The following UBAP2 variants were observed in gnomAD, a reference collection of about 807,000 sequenced individuals.
UBAP2 encodes ubiquitin associated protein 2.
A neutral mutation model predicts 139.6 loss-of-function variants in UBAP2; 75 were observed. The observed-to-expected ratio is 0.54, with a 90% CI of 0.45 to 0.65. The LOEUF (loss-of-function observed/expected upper bound fraction) is 0.65, where lower values mean the gene tolerates loss of function less well. Ranked by LOEUF, UBAP2 falls within the 30% of genes least tolerant of loss-of-function variation. UBAP2 has a pLI of 0.00. For synonymous variants in UBAP2, 526 were observed against 526.2 expected, an observed-to-expected ratio of 1.00 and a Z score of 0.01; for missense variants, 1,368 against 1,369.6, an observed-to-expected ratio of 1.00 and a Z score of 0.02.
chr9:33,983,007 A>G (rs1420763529), intron 6 of UBAP2, among the ~76,000 whole-genome samples: 3 of 151,592 alleles, frequency 2.0e-5, no homozygotes, highest in Non-Finnish European at 4.4e-5. Flanking sequence ...GCCTCCAAGT[A>G]GCTGGGACTA....
chr9:33,996,295 T>A lies in UBAP2; in HGVS notation c.216A>T (p.Ile72=). The A allele has an allele frequency of 6.2e-7, 1 of 1,613,714 alleles. No individual in the cohort carries two copies. Among genetic ancestry groups the A allele is most frequent in the East Asian group, 2.2e-5 (1 of 44,852 alleles). ...CTCCATTACAATCATGTAGGGCCAC[T>A]ATGCATTCATCCTGATTTTTCCCTG... is the stretch of plus-strand genomic sequence containing the variant. ...EVTGKNQDEC[I]VALHDCNGDV... Residue 72 remains isoleucine (I), a synonymous_variant, in exon 4 of 29, where the codon ATA becomes ATT. Coordinates refer to ENST00000379238, the MANE Select transcript of UBAP2 (RefSeq NM_001370062.2).
chr9:33,945,935 T>C (rs1825624020), intron 13 of UBAP2, among the ~76,000 whole-genome samples: 1 of 152,240 alleles, frequency 6.6e-6, no homozygotes, highest in Non-Finnish European at 1.5e-5. Context: ...ACCTGTAGGA[T>C]CAACTGGTAG....
At chr9:33,957,389 G>A (rs557224718) in intron 10 of UBAP2, among the ~76,000 whole-genome samples, 11 of 152,210 alleles carry the variant, frequency 7.2e-5, no homozygotes, top group Admixed American at 2.6e-4. Context: ...ATTTCCACCT[G>A]TCCCTGTGGA....
chr9:34,028,510 G>C (rs1825612826), intron 1 of UBAP2, among the ~76,000 whole-genome samples: 1 of 151,932 alleles, frequency 6.6e-6, no homozygotes, highest in African/African-American at 2.4e-5. Context: ...CTCCCAAGTA[G>C]CTGGGATTAC....
In UBAP2 at chr9:34,024,168, G is replaced by A. The variant is rs192701147; in HGVS notation, c.-41-6979C>T. ...GAGGTCGGGAGTTCAAGACCAGCCC[G>A]ACCATCTCTACTAAAAATACAAAAT... On this transcript the variant is annotated intron_variant, in intron 1 of 28. Transcript: ENST00000379238. Among the ~76,000 whole-genome samples the A allele has an allele frequency of 3.9e-4, 59 of 151,166 alleles. 1 individual carries two copies. The highest frequency in any genetic ancestry group is 1.7e-3 in the South Asian group (8 of 4,792).
At position 33,948,410 on chromosome 9, in the gene UBAP2, G is replaced by A. The variant is rs1050757981; in HGVS notation, c.1234C>T (p.Pro412Ser). The A allele has an allele frequency of 2.5e-6, 4 of 1,613,386 alleles. No individual in the cohort carries two copies. The African/African-American group carries it at 5.3e-5, about 22-fold the overall frequency. Reference sequence around the variant, plus strand: ...AGGACTGAGGACTGGGATGTTGGGGGCTTGAGGTCCCAAGAAGTAGTAGTT... The same window carrying A: ...AGGACTGAGGACTGGGATGTTGGGGACTTGAGGTCCCAAGAAGTAGTAGTT... Reference protein sequence around the residue: ...PTTTTSWDLKPPTSQSSVLSH... With the variant: ...PTTTTSWDLKSPTSQSSVLSH... Residue 412 changes from proline to serine, a missense_variant, in exon 13 of 29, where the codon CCC becomes TCC. Pro to Ser is a moderately conservative substitution (Grantham distance 74). Transcript: ENST00000379238.
intron 1 of UBAP2, among the ~76,000 whole-genome samples, chr9:34,026,174 A>G (rs1825384976): frequency 6.6e-6 from 1 of 152,232 alleles, no homozygotes; most frequent in Non-Finnish European, 1.5e-5. Flanking sequence ...AGAAGAGGGA[A>G]GATTTCAACA....
Position 33,922,299 on chromosome 9 carries a change from T to TC in UBAP2, c.*204dup, listed in dbSNP as rs1360758285. ...CTAACATCTGCCGCCATCCCCCAAC[T>TC]CCCCCCCAGACTTCTATCACATTTA... On this transcript the variant is annotated 3_prime_UTR_variant, in exon 29 of 29. Coordinates refer to ENST00000379238, the MANE Select transcript of UBAP2 (RefSeq NM_001370062.2). The TC allele has an allele frequency of 2.4e-5, 14 of 577,584 alleles. No individual in the cohort carries two copies. Among genetic ancestry groups the TC allele is most frequent in the South Asian group, 8.2e-5 (4 of 48,486 alleles). 35.8% of individuals were successfully genotyped at this position (577,584 alleles called of 1,614,324 possible).
intron 16 of UBAP2, among the ~76,000 whole-genome samples, chr9:33,938,083 C>T (rs1413601094): frequency 1.3e-5 from 2 of 150,212 alleles, no homozygotes; most frequent in East Asian, 2.0e-4. Context: ...TTGCAACCTC[C>T]GCTTCCTGGT....
chr9:33,954,661 CCCTT>C (rs1277930565), intron 11 of UBAP2, among the ~76,000 whole-genome samples: 1 of 152,208 alleles, frequency 6.6e-6, no homozygotes, highest in Non-Finnish European at 1.5e-5. Flanking sequence ...GAGTTCCTCT[CCCTT>C]ATAGACTATA....
chr9:33,996,095 G>A, intron 4 of UBAP2, 128 bp downstream of exon 4: 4 of 649,524 alleles, frequency 6.2e-6, no homozygotes, highest in Non-Finnish European at 2.6e-6. Context: ...GTTCTTTCTG[G>A]AACTTAAAAC....
chr9:33,980,355 C>T (rs1820550199), intron 6 of UBAP2, among the ~76,000 whole-genome samples: 1 of 146,768 alleles, frequency 6.8e-6, no homozygotes, highest in Non-Finnish European at 1.5e-5. Context: ...GCCTCAGCCT[C>T]CTGAGTAGCT....
intron 1 of UBAP2, among the ~76,000 whole-genome samples, chr9:34,029,848 T>C (rs13286398): frequency 0.13 from 19,073 of 149,450 alleles, 1,429 homozygotes; most frequent in Non-Finnish European, 0.16. Context: ...ATTAGGCCGC[T>C]GTGGTGGGGG....
intron 2 of UBAP2, among the ~76,000 whole-genome samples, chr9:34,001,038 CCAAT>C (rs1416594425): frequency 6.6e-6 from 1 of 152,122 alleles, no homozygotes; most frequent in Non-Finnish European, 1.5e-5. Flanking sequence ...TCATAACCAA[CCAAT>C]AAGTCCCAGT....
chr9:33,966,968 T>A (rs998195073), intron 8 of UBAP2, among the ~76,000 whole-genome samples: 2 of 152,022 alleles, frequency 1.3e-5, no homozygotes, highest in African/African-American at 4.8e-5. Flanking sequence ...AAAGACTGAG[T>A]CAGTAAAAAC....
intron 5 of UBAP2, among the ~76,000 whole-genome samples, chr9:33,987,255 T>C (rs1194019664): frequency 1.3e-5 from 2 of 151,742 alleles, no homozygotes; most frequent in Non-Finnish European, 2.9e-5. Flanking sequence ...TACCAAAAAA[T>C]ATAAAAATTA....
chr9:34,007,241 C>G (rs1823297462), intron 2 of UBAP2, among the ~76,000 whole-genome samples: 1 of 152,128 alleles, frequency 6.6e-6, no homozygotes, highest in Non-Finnish European at 1.5e-5. Context: ...CGCCTGTAAT[C>G]CCAACACTTT....
chr9:33,926,358 C>T (rs1414260886), intron 22 of UBAP2, among the ~76,000 whole-genome samples: 1 of 152,192 alleles, frequency 6.6e-6, no homozygotes, highest in African/African-American at 2.4e-5. Context: ...CAACATTTAA[C>T]AGGGGACATG....
chr9:33,998,227 G>A (rs1822362797), intron 3 of UBAP2: 1 of 152,446 alleles, frequency 6.6e-6, no homozygotes, highest in African/African-American at 2.4e-5. Flanking sequence ...GCAGGACTCT[G>A]TCTCTACAAA....
Sources: gnomAD v4.1 joint callset for allele counts (sites outside exome capture counted in the v4.1 genomes callset) on GRCh38, gnomAD v4.1.1 for gene constraint, MANE v1.5 for transcripts, NCBI Gene and HGNC (gene_info 2026-07-23, HGNC 2026-07-21) for gene names.